JPH3: variants seen among roughly 807,000 people sequenced by gnomAD.
JPH3 encodes junctophilin 3.
Under a neutral mutation model 59.6 loss-of-function variants are expected in JPH3, and 11 were observed. That is an observed-to-expected ratio of 0.18 (90% CI 0.12 to 0.31). The LOEUF (loss-of-function observed/expected upper bound fraction) is 0.31. Ranked by LOEUF, JPH3 falls within the 10% of genes least tolerant of loss-of-function variation. The pLI is 1.00. For synonymous variants in JPH3, 673 were observed against 483.6 expected, an observed-to-expected ratio of 1.39 and a Z score of -5.14; for missense variants, 1,202 against 1,105.7, an observed-to-expected ratio of 1.09 and a Z score of -1.24.
chr16:87,650,689 G>C (rs1350355175), intron 2 of JPH3, among the ~76,000 whole-genome samples: 2 of 152,222 alleles, frequency 1.3e-5, no homozygotes, highest in Non-Finnish European at 2.9e-5. Context: ...GAAAATTTTA[G>C]GGTCTGAAGA....
At position 87,690,232 on chromosome 16, in the gene JPH3, T is replaced by C. The variant is rs34767155; in HGVS notation, c.1872T>C (p.His624=). Residue 624 remains histidine, a synonymous_variant, in exon 4 of 5, where the codon CAT becomes CAC. Transcript: ENST00000284262. The part of the protein sequence containing the change: ...EMKPLLRMET[H]PQKRRYSKGG... ...AACCCTTGCTGAGGATGGAGACGCA[T>C]CCCCAGAAAAGACGCTACAGCAAGG... 525,398 of 1,602,636 alleles carry C rather than the reference T, an allele frequency of 0.33. 91,528 individuals carry two copies. Among genetic ancestry groups the C allele is most frequent in the African/African-American group, 0.64 (48,076 of 74,706 alleles).
At chr16:87,614,883 C>T (rs8059858) in intron 1 of JPH3, among the ~76,000 whole-genome samples, 4 of 97,616 alleles carry the variant, frequency 4.1e-5, no homozygotes, top group Admixed American at 1.1e-4. Flanking sequence ...CGAGGAGCCG[C>T]GCGTCCCCTC....
At chr16:87,672,169 A>C (rs900587518) in intron 2 of JPH3, among the ~76,000 whole-genome samples, 2 of 152,036 alleles carry the variant, frequency 1.3e-5, no homozygotes, top group Non-Finnish European at 2.9e-5. Context: ...GTCTAAACAT[A>C]GGCTGTGGCC....
intron 1 of JPH3, among the ~76,000 whole-genome samples, chr16:87,613,341 C>T (rs536991438): frequency 1.3e-4 from 19 of 151,234 alleles, no homozygotes; most frequent in South Asian, 6.3e-4. Flanking sequence ...CCTCGTGAAC[C>T]GCCCGCCTCG....
intron 1 of JPH3, among the ~76,000 whole-genome samples, 199 bp from the exon 2 acceptor site, chr16:87,644,059 G>GC (rs1471650289): frequency 6.6e-6 from 1 of 152,184 alleles, no homozygotes; most frequent in Non-Finnish European, 1.5e-5. Flanking sequence ...GATCGCCTGA[G>GC]CCCAGGGGTT....
chr16:87,604,495 G>A, intron 1 of JPH3: 1 of 1,325,386 alleles, frequency 7.5e-7, no homozygotes, highest in Non-Finnish European at 9.8e-7. Flanking sequence ...CTCCCATGTG[G>A]GAGCTTATCC....
At chr16:87,679,257 A>T (rs1291459946) in intron 2 of JPH3, among the ~76,000 whole-genome samples, 1 of 150,698 alleles carries the variant, frequency 6.6e-6, no homozygotes, top group African/African-American at 2.5e-5. Flanking sequence ...CTTTCTTTAA[A>T]AATTTTTTAA....
intron 2 of JPH3, among the ~76,000 whole-genome samples, chr16:87,661,581 C>T (rs895340622): frequency 6.6e-6 from 1 of 152,208 alleles, no homozygotes; most frequent in African/African-American, 2.4e-5. Flanking sequence ...GGGGATGAAA[C>T]AGCCGAGGGT....
At chr16:87,620,723 G>T (rs1165599088) in intron 1 of JPH3, among the ~76,000 whole-genome samples, 20 of 152,186 alleles carry the variant, frequency 1.3e-4, no homozygotes, top group Admixed American at 1.2e-3. Context: ...GCTGCCCGGA[G>T]GAGGAGACTG....
rs201540001 is a variant in JPH3 at position 87,696,571 on chromosome 16, C to T, written c.2167-9C>T. The T allele has an allele frequency of 1.2e-5, 19 of 1,612,342 alleles. No individual in the cohort carries two copies. Among genetic ancestry groups the T allele is most frequent in the East Asian group, 2.2e-5 (1 of 44,892 alleles). On this transcript the variant is annotated splice_polypyrimidine_tract_variant and intron_variant, in intron 4 of 4. Transcript: ENST00000284262. ...CTGTCGCTCACCTCTTCCCCTCGCT[C>T]TCTTCCAGGGCTCAGCGCCTATCCT...
intron 2 of JPH3, chr16:87,683,930 G>A (rs746952954): frequency 2.4e-5 from 14 of 572,404 alleles, no homozygotes; most frequent in Non-Finnish European, 4.1e-5. Flanking sequence ...AGCATGTCCT[G>A]TGCACTGGGC....
chr16:87,639,561 C>G (rs1417941368), intron 1 of JPH3, among the ~76,000 whole-genome samples: 2 of 152,144 alleles, frequency 1.3e-5, no homozygotes, highest in African/African-American at 2.4e-5. Flanking sequence ...CTCATCTTCC[C>G]AAACCGAAAC....
At chr16:87,677,193 C>T (rs1216927387) in intron 2 of JPH3, among the ~76,000 whole-genome samples, 14 of 113,850 alleles carry the variant, frequency 1.2e-4, no homozygotes, top group Middle Eastern at 8.1e-3. Flanking sequence ...TATACACACA[C>T]ACACACACAC....
chr16:87,696,923 C>T lies in JPH3; in HGVS notation c.*263C>T, dbSNP rs2033888034. On this transcript the variant is annotated 3_prime_UTR_variant, in exon 5 of 5. Transcript: ENST00000284262. Reference sequence around the variant, plus strand: ...GAAGGAGGCCAGCACGCAGCCCCTCCAGCTCCACGTGGAGACAGAAGGGAT... The same window carrying T: ...GAAGGAGGCCAGCACGCAGCCCCTCTAGCTCCACGTGGAGACAGAAGGGAT... 3 of 459,136 alleles carry T rather than the reference C, an allele frequency of 6.5e-6. No homozygotes were observed. The highest frequency in any genetic ancestry group is 6.4e-5 in the South Asian group (3 of 46,726). The allele number at this position is 459,136 out of a possible 1,614,324, so 28.4% of individuals were successfully genotyped here. A position where few individuals can be genotyped will look rare whatever the true frequency, so the allele number is the denominator to read the frequency against.
intron 1 of JPH3, among the ~76,000 whole-genome samples, chr16:87,642,473 G>T (rs142897278): frequency 2.6e-5 from 4 of 152,236 alleles, no homozygotes; most frequent in Non-Finnish European, 4.4e-5. Context: ...GTTTTGAGTT[G>T]TTAGCAGGTA....
chr16:87,617,983 C>T lies in JPH3; in HGVS notation c.382+14455C>T, dbSNP rs72810106. On this transcript the variant is annotated intron_variant, in intron 1 of 4. Coordinates refer to ENST00000284262, the MANE Select transcript of JPH3 (RefSeq NM_020655.4). ...TTTGAGACCAGCCTGGGCATCATAA[C>T]GAAGCCCCGTCTCTACAGAAAATAC... Among the ~76,000 whole-genome samples, 1,095 of 151,998 alleles carry T rather than the reference C, an allele frequency of 7.2e-3. 8 individuals are homozygous for T. The highest frequency in any genetic ancestry group is 0.013 in the Non-Finnish European group (891 of 67,976).
At chr16:87,683,304 AT>A (rs1211121977) in intron 2 of JPH3, among the ~76,000 whole-genome samples, 3 of 149,234 alleles carry the variant, frequency 2.0e-5, no homozygotes, top group African/African-American at 7.4e-5. Flanking sequence ...GAACAGAAAC[AT>A]TTTCTTTTTT....
At chr16:87,620,366 G>A (rs1003656232) in intron 1 of JPH3, among the ~76,000 whole-genome samples, 4 of 150,408 alleles carry the variant, frequency 2.7e-5, no homozygotes, top group African/African-American at 4.9e-5. Context: ...GGGCCAGAGC[G>A]GGGACGGGGG....
intron 3 of JPH3, among the ~76,000 whole-genome samples, chr16:87,688,977 G>A (rs772673285): frequency 6.6e-6 from 1 of 152,190 alleles, no homozygotes; most frequent in Non-Finnish European, 1.5e-5. Flanking sequence ...GCCTCCGGGT[G>A]GGGGCTGATG....
Sources: gnomAD v4.1 joint callset for allele counts (sites outside exome capture counted in the v4.1 genomes callset) on GRCh38, gnomAD v4.1.1 for gene constraint, MANE v1.5 for transcripts, NCBI Gene and HGNC (gene_info 2026-07-23, HGNC 2026-07-21) for gene names.